MINK1: variants seen among roughly 807,000 people sequenced by gnomAD.
MINK1 encodes misshapen-like kinase 1.
A neutral mutation model predicts 178.4 loss-of-function variants in MINK1; 46 were observed. The ratio of observed to expected loss-of-function variants is 0.26; its 90% confidence interval spans 0.20 to 0.33. MINK1 has a LOEUF of 0.33. Among genes scored for constraint, MINK1 ranks in the 10% least tolerant of loss-of-function variants. The probability of loss-of-function intolerance (pLI) is 1.00; values close to 1 mark genes in which losing one functional copy is unlikely to be tolerated. For missense variants in MINK1, 1,366 were observed against 1,814.9 expected (o/e 0.75, Z 4.49); for synonymous variants, 797 against 709.7 (o/e 1.12, Z -1.96).
chr17:4,897,171 G>A (rs1466912723), intron 31 of MINK1, 33 bp from the exon 32 acceptor site: 2 of 1,594,652 alleles, frequency 1.3e-6, no homozygotes, highest in East Asian at 2.2e-5. Context: ...CCCAACCTCA[G>A]CCCTTGGTGA....
chr17:4,843,895 G>A (rs1038891376), intron 1 of MINK1, among the ~76,000 whole-genome samples: 10 of 152,164 alleles, frequency 6.6e-5, no homozygotes, highest in African/African-American at 1.2e-4. Context: ...CTGCTCCCAC[G>A]TGGCGGTGGG....
intron 1 of MINK1, chr17:4,834,773 C>T (rs776453834): frequency 1.2e-5 from 6 of 520,080 alleles, no homozygotes; most frequent in Non-Finnish European, 2.3e-5. Context: ...GACTTCCCAT[C>T]TCTAGGTTCG....
At chr17:4,835,120 T>A (rs542826363) in intron 1 of MINK1, among the ~76,000 whole-genome samples, 1 of 152,104 alleles carries the variant, frequency 6.6e-6, no homozygotes, top group South Asian at 2.1e-4. Context: ...GAGGAGAGGG[T>A]CTGAAGGCTT....
chr17:4,860,312 A>G (rs534363142), intron 1 of MINK1, among the ~76,000 whole-genome samples: 113 of 152,052 alleles, frequency 7.4e-4, no homozygotes, highest in African/African-American at 2.6e-3. Flanking sequence ...CTAGATTTCC[A>G]CGTGCTGATT....
At chr17:4,857,071 C>A in intron 1 of MINK1, 1 of 187,706 alleles carries the variant, frequency 5.3e-6, no homozygotes, top group Non-Finnish European at 1.1e-5. Context: ...ATGGCAAAGC[C>A]GGCTGCCAGG....
Position 4,893,583 on chromosome 17 carries a change from T to C in MINK1, c.2550T>C (p.Asp850=). The C allele has an allele frequency of 6.4e-7, 1 of 1,552,722 alleles. No homozygotes were observed. Among genetic ancestry groups the C allele is most frequent in the South Asian group, 1.2e-5 (1 of 83,668 alleles). ...GEGGPAEGSR[D]TPGGRSDGDT... is the part of the protein sequence containing the mutation. ...GCGGGCCAGCAGAGGGGAGCAGAGA[T>C]ACCCCTGGGGGCCGGTACGGCATCG... Residue 850 remains aspartate, a synonymous_variant, in exon 21 of 32, where the codon GAT becomes GAC. Transcript: ENST00000355280.
rs1017134693 is a variant in MINK1 at position 4,885,391 on chromosome 17, G to A, written c.509-92G>A. 4 of 1,541,358 alleles carry A rather than the reference G, an allele frequency of 2.6e-6. No homozygotes were observed. Among genetic ancestry groups the A allele is most frequent in the African/African-American group, 2.7e-5 (2 of 73,660 alleles). ...CTGGGTCGGGCCAGGACCACAGCTG[G>A]CTCAGGCAAGTCCTGTGTGTGCACG... On this transcript the variant is annotated intron_variant, in intron 6 of 31. Coordinates refer to ENST00000355280, the MANE Select transcript of MINK1 (RefSeq NM_153827.5). This position sits in a 1 kb window ranked among gnomAD's most constrained non-coding sequence, Gnocchi z 5.0.
intron 1 of MINK1, among the ~76,000 whole-genome samples, chr17:4,860,248 C>CTG (rs1245578301): frequency 7.2e-5 from 11 of 152,180 alleles, no homozygotes; most frequent in Non-Finnish European, 1.0e-4. Flanking sequence ...CTCATTCAGT[C>CTG]GTCCACCTCT....
intron 1 of MINK1, among the ~76,000 whole-genome samples, chr17:4,842,113 A>T (rs1307389109): frequency 6.6e-6 from 1 of 151,692 alleles, no homozygotes; most frequent in Non-Finnish European, 1.5e-5. Context: ...AGTCCCAGCT[A>T]CTTGGGAGGC....
chr17:4,882,219 T>C (rs1457379876), intron 4 of MINK1, among the ~76,000 whole-genome samples: 1 of 152,272 alleles, frequency 6.6e-6, no homozygotes, highest in Admixed American at 6.5e-5. Context: ...CACTGTGCTC[T>C]GCTCTCCAAG....
rs568927005 is a variant in MINK1, at chr17:4,865,358, C to T, written c.58-12959C>T. Among the ~76,000 whole-genome samples, 26 of 151,954 alleles carry T rather than the reference C, an allele frequency of 1.7e-4. No homozygotes were observed. The South Asian group carries it at 2.9e-3, about 17-fold the overall frequency. ...CTGAGGCAGGAGAATCCCTTGAACC[C>T]GGGAGGTGGAGGTTGCAGTGAGCCG... On this transcript the variant is annotated intron_variant, in intron 1 of 31. Transcript: ENST00000355280.
In MINK1 at chr17:4,895,872, C is replaced by T. The variant is rs1367546357; in HGVS notation, c.3364+40C>T. ...ACAGAGTGGCCAGCGCATACTTGTT[C>T]ATGAAGAGAGAAATGGATCTGGGAG... On this transcript the variant is annotated intron_variant, in intron 27 of 31. Coordinates refer to ENST00000355280, the MANE Select transcript of MINK1 (RefSeq NM_153827.5). The surrounding 1 kb of genome is among the most constrained non-coding windows in gnomAD (Gnocchi z 4.3). 2 of 1,602,930 alleles carry T rather than the reference C, an allele frequency of 1.2e-6. No individual in the cohort carries two copies. The highest frequency in any genetic ancestry group is 1.3e-5 in the African/African-American group (1 of 74,704).
At chr17:4,884,038 T>C (rs1294076119) in intron 4 of MINK1, among the ~76,000 whole-genome samples, 1 of 150,742 alleles carries the variant, frequency 6.6e-6, no homozygotes, top group African/African-American at 2.4e-5. Flanking sequence ...CTTTTTTTTT[T>C]TTTTTTTTGA....
chr17:4,848,793 C>T (rs929693565), intron 1 of MINK1, among the ~76,000 whole-genome samples: 6 of 152,200 alleles, frequency 3.9e-5, no homozygotes, highest in Non-Finnish European at 7.3e-5. Flanking sequence ...CACCGCGAAC[C>T]TGGCCCCTGT....
At chr17:4,893,090 T>C in intron 20 of MINK1, 23 bp downstream of exon 20, 20 of 1,547,116 alleles carry the variant, frequency 1.3e-5, no homozygotes, top group Non-Finnish European at 1.6e-5. Flanking sequence ...GTGGCAGGCA[T>C]GGCCTGCCTC....
chr17:4,887,028 G>C lies in MINK1; in HGVS notation c.950-82G>C, dbSNP rs1462688990. On this transcript the variant is annotated intron_variant, in intron 10 of 31. Coordinates refer to ENST00000355280, the MANE Select transcript of MINK1 (RefSeq NM_153827.5). The surrounding 1 kb of genome is among the most constrained non-coding windows in gnomAD (Gnocchi z 7.6). ...CATGCTTGCCCAGCCAGAGAGACCTGGTTATCCCCACCCAAGGTTTCCCTA... is the reference window on the plus strand; with the variant it reads ...CATGCTTGCCCAGCCAGAGAGACCTCGTTATCCCCACCCAAGGTTTCCCTA... 9 of 1,439,646 alleles carry C rather than the reference G, an allele frequency of 6.3e-6. 1 individual carries two copies. The East Asian group carries it at 1.7e-4, about 28-fold the overall frequency. The allele number at this position is 1,439,646 out of a possible 1,614,324, so 89.2% of individuals were successfully genotyped here.
rs191979842 is a variant in MINK1 at position 4,867,388 on chromosome 17, A to G, written c.58-10929A>G. 2.8e-3 allele frequency among the ~76,000 whole-genome samples: 423 copies of G among 152,002 alleles called. 1 individual carries two copies. The highest frequency in any genetic ancestry group is 9.5e-3 in the African/African-American group (396 of 41,478). On this transcript the variant is annotated intron_variant, in intron 1 of 31. Coordinates refer to ENST00000355280, the MANE Select transcript of MINK1 (RefSeq NM_153827.5). ...TACACGGTCAGGTACAATGGCTCAC[A>G]ATTGTAATCCTAACACTTTGAAAGG...
chr17:4,892,151 G>T lies in MINK1; in HGVS notation c.2004G>T (p.Val668=). The T allele has an allele frequency of 6.3e-7, 1 of 1,594,328 alleles. No homozygotes were observed. Among genetic ancestry groups the T allele is most frequent in the Non-Finnish European group, 8.5e-7 (1 of 1,171,332 alleles). The part of the protein sequence containing the change: ...VRPDNEAPPK[V]PQRTSSIATA... The stretch of plus-strand genomic sequence containing the variant: ...AGCACGTGGACTTCTCTCCACAGGT[G>T]CCTCAGAGGACCTCATCTATCGCCA... The change falls in exon 17 of 32, where the codon GTG becomes GTT. Residue 668 remains valine, a splice_region_variant and synonymous_variant. Coordinates refer to ENST00000355280, the MANE Select transcript of MINK1 (RefSeq NM_153827.5).
Position 4,896,390 on chromosome 17 carries a change from A to G in MINK1, c.3616-39A>G. On this transcript the variant is annotated intron_variant, in intron 29 of 31. Coordinates refer to ENST00000355280, the MANE Select transcript of MINK1 (RefSeq NM_153827.5). This position sits in a 1 kb window ranked among gnomAD's most constrained non-coding sequence, Gnocchi z 4.6. Reference sequence around the variant, plus strand: ...GGGAGTGGGATGGCCCAGTCTGGGCACCAGACACGGAGACTCTAGTCCCCC... The same window carrying G: ...GGGAGTGGGATGGCCCAGTCTGGGCGCCAGACACGGAGACTCTAGTCCCCC... The G allele has an allele frequency of 6.2e-7, 1 of 1,609,238 alleles. No individual in the cohort carries two copies. Among genetic ancestry groups the G allele is most frequent in the African/African-American group, 1.3e-5 (1 of 74,970 alleles).
Sources: gnomAD v4.1 joint callset for allele counts (sites outside exome capture counted in the v4.1 genomes callset) on GRCh38, gnomAD v4.1.1 for gene constraint, Gnocchi (gnomAD v3.1) non-coding constraint, MANE v1.5 for transcripts, NCBI Gene and HGNC (gene_info 2026-07-23, HGNC 2026-07-21) for gene names.